The following PSD4 variants were observed in gnomAD, a reference collection of about 807,000 sequenced individuals.
PSD4 encodes PH and SEC7 domain-containing protein 4.
A neutral mutation model predicts 112.5 loss-of-function variants in PSD4; 59 were observed. That is an observed-to-expected ratio of 0.52 (90% CI 0.43 to 0.65). PSD4 has a LOEUF of 0.65. Among genes scored for constraint, PSD4 ranks in the 30% least tolerant of loss-of-function variants. The pLI, the probability that PSD4 is intolerant of heterozygous loss-of-function variation, is 0.00. For synonymous variants in PSD4, 533 were observed against 540.0 expected (o/e 0.99, Z 0.18); for missense variants, 1,267 against 1,352.6 (o/e 0.94, Z 0.99).
At chr2:113,185,183 C>G in intron 3 of PSD4, 110 bp downstream of exon 3, 1 of 1,570,034 alleles carries the variant, frequency 6.4e-7, no homozygotes, top group Non-Finnish European at 8.7e-7. Flanking sequence ...TGGGGCTTCT[C>G]ACATCAGGAC....
At position 113,205,044 on chromosome 2, in the gene PSD4, T is replaced by G; in HGVS notation, c.*3629T>G. The G allele has an allele frequency of 6.6e-6, 1 of 152,024 alleles. No homozygotes were observed. 9.4% of individuals were successfully genotyped at this position (152,024 alleles called of 1,614,324 possible). On this transcript the variant is annotated 3_prime_UTR_variant, in exon 17 of 17. Transcript: ENST00000245796. ...GTGCAATGGTGCGATCTCAGCTCAC[T>G]GCAACCTCCGCCTCCTGGGTTCAAG...
rs372988543 is a variant in PSD4 at position 113,196,206 on chromosome 2, T to A, written c.2285T>A (p.Met762Lys). 2 of 1,614,012 alleles carry A rather than the reference T, an allele frequency of 1.2e-6. No individual in the cohort carries two copies. The highest frequency in any genetic ancestry group is 1.7e-6 in the Non-Finnish European group (2 of 1,179,856). Residue 762 changes from methionine (M) to lysine (K), a missense_variant, in exon 12 of 17, where the codon ATG becomes AAG. Met to Lys is a moderately conservative substitution (Grantham distance 95). This residue lies in a region of PSD4 where 544 missense variants were observed against 648.6 expected (regional missense o/e 0.84). Transcript: ENST00000245796. Reference protein sequence around the residue: ...KAQPSLPAGKMSKPFLQLAQD... With the variant: ...KAQPSLPAGKKSKPFLQLAQD... ...CAGCCGTCCCTGCCAGCTGGCAAGA[T>A]GAGCAAGCCCTTCCTTCAGCTGGCT...
In PSD4 at chr2:113,204,713, T is replaced by C. The variant is rs1412342313; in HGVS notation, c.*3298T>C. ...ATCTCAGCTGAGCCTGGCTTTCTGC[T>C]GATGATATTTGTTTGTTGCTTGCCA... On this transcript the variant is annotated 3_prime_UTR_variant, in exon 17 of 17. Coordinates refer to ENST00000245796, the MANE Select transcript of PSD4 (RefSeq NM_012455.3). 6.6e-6 allele frequency: 1 copy of C among 152,172 alleles called. No individual in the cohort carries two copies. Among genetic ancestry groups the C allele is most frequent in the Non-Finnish European group, 1.5e-5 (1 of 68,066 alleles). 9.4% of individuals were successfully genotyped at this position (152,172 alleles called of 1,614,324 possible). A position where few individuals can be genotyped will look rare whatever the true frequency, so the allele number is the denominator to read the frequency against.
chr2:113,197,244 G>A (rs1313646499), intron 12 of PSD4: 2 of 409,464 alleles, frequency 4.9e-6, no homozygotes, highest in East Asian at 5.4e-5. Flanking sequence ...GTTTGTGCCT[G>A]GGTGTTTGCC....
chr2:113,191,768 G>A (rs1006343655), intron 5 of PSD4, among the ~76,000 whole-genome samples: 6 of 152,102 alleles, frequency 3.9e-5, no homozygotes, highest in Admixed American at 6.5e-5. Context: ...GTTCTGAGTC[G>A]GCTGGGGGTC....
At chr2:113,188,309 T>C (rs1308482629) in intron 5 of PSD4, among the ~76,000 whole-genome samples, 1 of 152,198 alleles carries the variant, frequency 6.6e-6, no homozygotes, top group Non-Finnish European at 1.5e-5. Context: ...AATGTTGCGA[T>C]CTTGGCTCAC....
Position 113,201,784 on chromosome 2 carries a change from C to G in PSD4, c.*369C>G. 3.7e-6 allele frequency: 1 copy of G among 272,478 alleles called. No individual in the cohort carries two copies. Among genetic ancestry groups the G allele is most frequent in the Non-Finnish European group, 7.2e-6 (1 of 139,812 alleles). The allele number at this position is 272,478 out of a possible 1,614,324, so 16.9% of individuals were successfully genotyped here. On this transcript the variant is annotated 3_prime_UTR_variant, in exon 17 of 17. Coordinates refer to ENST00000245796, the MANE Select transcript of PSD4 (RefSeq NM_012455.3). ...TGAGAACTCAGCACTTGTTTGAGAA[C>G]CAGTGCTTATGTGGTGTGCCCTTGG...
At chr2:113,185,511 T>A in intron 4 of PSD4, 71 bp downstream of exon 4, 1 of 1,612,204 alleles carries the variant, frequency 6.2e-7, no homozygotes, top group Non-Finnish European at 8.5e-7. Context: ...GGGACAAAGA[T>A]CATTCTTGGA....
At chr2:113,178,337 C>T (rs796563185) in intron 1 of PSD4, among the ~76,000 whole-genome samples, 2 of 152,228 alleles carry the variant, frequency 1.3e-5, no homozygotes, top group African/African-American at 4.8e-5. Flanking sequence ...TCCTCACCCC[C>T]ACCCCTCCCA....
chr2:113,183,310 C>A lies in PSD4; in HGVS notation c.854C>A (p.Ala285Glu), dbSNP rs141074516. Reference protein sequence around the residue: ...AGVRTGPESPATLEPPLPEDT... With the variant: ...AGVRTGPESPETLEPPLPEDT... ...GTGAGGACTGGACCTGAGAGCCCAG[C>A]GACTCTGGAGCCTCCCCTCCCAGAA... The change falls in exon 2 of 17, where the codon GCG (alanine) becomes GAG (glutamate). Residue 285 changes from alanine to glutamate, a missense_variant. Physicochemically the swap from Ala to Glu is moderately radical, Grantham distance 107. This residue lies in a region of PSD4 where 723 missense variants were observed against 704.0 expected (regional missense o/e 1.03). Transcript: ENST00000245796. The A allele has an allele frequency of 3.1e-6, 5 of 1,610,228 alleles. No homozygotes were observed. The highest frequency in any genetic ancestry group is 2.2e-5 in the South Asian group (2 of 90,630).
chr2:113,191,992 T>C (rs3791340), intron 5 of PSD4, among the ~76,000 whole-genome samples: 57,258 of 151,350 alleles, frequency 0.38, 11,677 homozygotes, highest in African/African-American at 0.52. Flanking sequence ...AGCTGGGAGG[T>C]GGGGAAGGGA....
Position 113,190,919 on chromosome 2 carries a change from C to G in PSD4, c.1629-1461C>G, listed in dbSNP as rs563818194. 2.0e-5 allele frequency among the ~76,000 whole-genome samples: 3 copies of G among 152,338 alleles called. 1 individual carries two copies. Among genetic ancestry groups the G allele is most frequent in the African/African-American group, 7.2e-5 (3 of 41,568 alleles). ...TTTGTACATTTACCAAGATAAAGCT[C>G]CAAGTAAACCTTTTCATTATTTACT... is the stretch of plus-strand genomic sequence containing the variant. On this transcript the variant is annotated intron_variant, in intron 5 of 16. Transcript: ENST00000245796.
At position 113,183,238 on chromosome 2, in the gene PSD4, C is replaced by T; in HGVS notation, c.782C>T (p.Ala261Val). The T allele has an allele frequency of 6.2e-7, 1 of 1,614,228 alleles. No homozygotes were observed. The highest frequency in any genetic ancestry group is 8.5e-7 in the Non-Finnish European group (1 of 1,180,032). The change falls in exon 2 of 17, where the codon GCT (alanine) becomes GTT (valine). Residue 261 changes from alanine (A) to valine (V), a missense_variant. Physicochemically the swap from Ala to Val is moderately conservative, Grantham distance 64. Coordinates refer to ENST00000245796, the MANE Select transcript of PSD4 (RefSeq NM_012455.3). ...FLASPCSENS[A>V]SGECFSWGAS... ...GCGAGTCCTTGCTCAGAGAACAGTG[C>T]TTCTGGAGAGTGCTTTTCCTGGGGG...
chr2:113,194,049 T>TCTCAAGG (rs1399829952), intron 10 of PSD4, 101 bp downstream of exon 10: 1 of 1,133,496 alleles, frequency 8.8e-7, no homozygotes, highest in African/African-American at 1.6e-5. Context: ...TTTGCCAAAA[T>TCTCAAGG]ATCCTTGAGA....
chr2:113,196,041 G>T, intron 11 of PSD4, 106 bp from the exon 12 acceptor site: 1 of 1,422,442 alleles, frequency 7.0e-7, no homozygotes, highest in African/African-American at 1.4e-5. Context: ...GTCCTGGGGT[G>T]TGGCTTCCCA....
At chr2:113,195,688 C>T (rs1490270460) in intron 10 of PSD4, 39 bp from the exon 11 acceptor site, 2 of 1,613,618 alleles carry the variant, frequency 1.2e-6, no homozygotes, top group Admixed American at 3.3e-5. Flanking sequence ...GCTCCACAGC[C>T]CTGAGGCTCC....
rs1449301428 is a variant in PSD4, at chr2:113,206,041, C to T, written c.*4626C>T. 8 of 152,694 alleles carry T rather than the reference C, an allele frequency of 5.2e-5. No individual in the cohort carries two copies. Among genetic ancestry groups the T allele is most frequent in the African/African-American group, 1.7e-4 (7 of 41,582 alleles). The allele number at this position is 152,694 out of a possible 1,614,324, so 9.5% of individuals were successfully genotyped here. ...CACAAGCCTGTGACCAACTGTTCCC[C>T]TCAGCCGGCACACTGGCTCCTCTTC... is the stretch of plus-strand genomic sequence containing the variant. On this transcript the variant is annotated 3_prime_UTR_variant, in exon 17 of 17. Transcript: ENST00000245796.
At chr2:113,193,466 G>C (rs1276424404) in intron 8 of PSD4, 96 bp downstream of exon 8, 2 of 1,482,944 alleles carry the variant, frequency 1.3e-6, no homozygotes, top group East Asian at 4.5e-5. Context: ...TGGTGGGAGT[G>C]TGTTGGGGGC....
At position 113,206,284 on chromosome 2, in the gene PSD4, C is replaced by T. The variant is rs1688862367; in HGVS notation, c.*4869C>T. The stretch of plus-strand genomic sequence containing the variant: ...TTTGCCAACTGTTCCCAGCCCTTAC[C>T]AGGTTCCCATTCATACCTGGCTCTA... On this transcript the variant is annotated 3_prime_UTR_variant, in exon 17 of 17. Coordinates refer to ENST00000245796, the MANE Select transcript of PSD4 (RefSeq NM_012455.3). 1 of 152,292 alleles carries T rather than the reference C, an allele frequency of 6.6e-6. No homozygotes were observed. The highest frequency in any genetic ancestry group is 2.4e-5 in the African/African-American group (1 of 41,470). The allele number at this position is 152,292 out of a possible 1,614,324, so 9.4% of individuals were successfully genotyped here.
Sources: allele counts gnomAD v4.1 joint callset (sites outside exome capture counted in the v4.1 genomes callset), GRCh38; gene constraint gnomAD v4.1.1; regional missense constraint gnomAD v4.1.1; transcripts MANE v1.5; gene names NCBI Gene and HGNC (gene_info 2026-07-23, HGNC 2026-07-21).